ARSB: variants seen among roughly 807,000 people sequenced by gnomAD.
The protein encoded by ARSB is N-acetylgalactosamine-4-sulfatase.
Under a neutral mutation model 50.9 loss-of-function variants are expected in ARSB, and 41 were observed. The observed-to-expected ratio is 0.81, with a 90% confidence interval of 0.63 to 1.04. ARSB has a LOEUF of 1.04. Among genes scored for constraint, ARSB ranks in the 50% least tolerant of loss-of-function variants. The probability of loss-of-function intolerance (pLI) is 0.00; values close to 1 mark genes in which losing one functional copy is unlikely to be tolerated. For missense variants in ARSB, 672 were observed against 693.3 expected (o/e 0.97, Z 0.35); for synonymous variants, 269 against 284.8 (o/e 0.94, Z 0.56).
intron 4 of ARSB, among the ~76,000 whole-genome samples, chr5:78,904,974 GC>G (rs1748982248): frequency 6.6e-6 from 1 of 152,124 alleles, no homozygotes; most frequent in Non-Finnish European, 1.5e-5. Context: ...ACAGGCACGA[GC>G]CACCACGACC....
chr5:78,877,826 C>T (rs1311271816), intron 5 of ARSB, among the ~76,000 whole-genome samples: 1 of 152,116 alleles, frequency 6.6e-6, no homozygotes, highest in Non-Finnish European at 1.5e-5. Context: ...TCACAACCAA[C>T]TGAGAAGTGA....
At chr5:78,873,386 C>T (rs755285776) in intron 5 of ARSB, among the ~76,000 whole-genome samples, 15 of 149,348 alleles carry the variant, frequency 1.0e-4, no homozygotes, top group Non-Finnish European at 1.8e-4. Flanking sequence ...AAAGAGGATA[C>T]GAGAGAAATT....
At chr5:78,912,909 GA>G (rs1202973499) in intron 4 of ARSB, among the ~76,000 whole-genome samples, 2 of 152,116 alleles carry the variant, frequency 1.3e-5, no homozygotes, top group East Asian at 3.9e-4. Context: ...GCATTAGAAA[GA>G]AAGAATCAAT....
chr5:78,967,448 G>A (rs1213309852), intron 2 of ARSB, among the ~76,000 whole-genome samples: 2 of 152,162 alleles, frequency 1.3e-5, no homozygotes. Context: ...GCCAAGATGG[G>A]TGGGTCACGA....
intron 4 of ARSB, among the ~76,000 whole-genome samples, chr5:78,901,743 C>A (rs189471475): frequency 2.6e-5 from 4 of 152,138 alleles, no homozygotes; most frequent in Admixed American, 2.6e-4. Context: ...AGAAGATACA[C>A]AAAAATAGAT....
chr5:78,809,781 C>T (rs995405644), intron 6 of ARSB, among the ~76,000 whole-genome samples: 2 of 152,260 alleles, frequency 1.3e-5, no homozygotes, highest in Admixed American at 6.5e-5. Flanking sequence ...CCAGCCTTGC[C>T]CTCTCCACTG....
intron 6 of ARSB, among the ~76,000 whole-genome samples, chr5:78,801,613 C>T (rs1043290523): frequency 6.6e-5 from 10 of 152,158 alleles, no homozygotes; most frequent in African/African-American, 2.2e-4. Context: ...ACAGTGTCTG[C>T]GTCATCTGCC....
rs114195006 is a variant in ARSB at position 78,929,556 on chromosome 5, C to T, written c.898+25739G>A. The stretch of plus-strand genomic sequence containing the variant: ...CTGTAATCCTAGCACTTTGGGAGGC[C>T]GAGACAGGTGGTTCTCCTGAGGACA... On this transcript the variant is annotated intron_variant, in intron 4 of 7. Transcript: ENST00000264914. 7.9e-3 allele frequency among the ~76,000 whole-genome samples: 1,196 copies of T among 152,036 alleles called. 12 individuals are homozygous for T. The highest frequency in any genetic ancestry group is 0.028 in the African/African-American group (1,156 of 41,476).
chr5:78,842,575 C>T (rs1293178983), intron 5 of ARSB, among the ~76,000 whole-genome samples: 1 of 152,172 alleles, frequency 6.6e-6, no homozygotes, highest in African/African-American at 2.4e-5. Flanking sequence ...TATTAATAAA[C>T]TTTCTCTTTA....
intron 5 of ARSB, among the ~76,000 whole-genome samples, chr5:78,867,396 C>A (rs997734932): frequency 1.3e-5 from 2 of 152,122 alleles, no homozygotes; most frequent in Non-Finnish European, 2.9e-5. Flanking sequence ...CAGCAGTAAC[C>A]TCTGCAGACT....
chr5:78,935,050 C>G (rs1750519970), intron 4 of ARSB, among the ~76,000 whole-genome samples: 1 of 151,490 alleles, frequency 6.6e-6, no homozygotes, highest in Admixed American at 6.6e-5. Context: ...ATACATTTTT[C>G]AAAAAAAGGA....
chr5:78,885,942 A>C (rs1395760531), intron 4 of ARSB, 115 bp from the exon 5 acceptor site: 2 of 1,544,856 alleles, frequency 1.3e-6, no homozygotes, highest in East Asian at 4.5e-5. Context: ...AAAAAAAGAA[A>C]ATTCCTTGCC....
At chr5:78,867,188 T>C (rs1226907270) in intron 5 of ARSB, among the ~76,000 whole-genome samples, 1 of 152,050 alleles carries the variant, frequency 6.6e-6, no homozygotes, top group Non-Finnish European at 1.5e-5. Flanking sequence ...ATCTCGCTGA[T>C]TGCTAGCACA....
intron 5 of ARSB, among the ~76,000 whole-genome samples, chr5:78,875,692 G>C (rs1581079985): frequency 2.0e-5 from 3 of 150,416 alleles, no homozygotes; most frequent in Admixed American, 1.3e-4. Flanking sequence ...TTTTGAGACA[G>C]AGTCTCGCTC....
At chr5:78,857,841 AC>A (rs1465945095) in intron 5 of ARSB, among the ~76,000 whole-genome samples, 3 of 152,254 alleles carry the variant, frequency 2.0e-5, no homozygotes, top group African/African-American at 7.2e-5. Context: ...CATGCCTATA[AC>A]AACCAAACTA....
intron 6 of ARSB, among the ~76,000 whole-genome samples, chr5:78,792,932 A>G (rs910849705): frequency 3.3e-5 from 5 of 152,078 alleles, no homozygotes. Context: ...ATGTGGTAAC[A>G]TTTTCCCCAC....
chr5:78,848,880 G>A (rs924061630), intron 5 of ARSB, among the ~76,000 whole-genome samples: 13 of 151,210 alleles, frequency 8.6e-5, no homozygotes, highest in African/African-American at 2.9e-4. Flanking sequence ...TTTGAGAAGC[G>A]TCTGTTCATA....
At position 78,885,697 on chromosome 5, in the gene ARSB, C is replaced by G; in HGVS notation, c.1029G>C (p.Lys343Asn). 1 of 1,614,114 alleles carries G rather than the reference C, an allele frequency of 6.2e-7. No individual in the cohort carries two copies. The highest frequency in any genetic ancestry group is 8.5e-7 in the Non-Finnish European group (1 of 1,180,026). ...ASPLLKQKGV[K>N]NRELIHISDW... ...CAGAGATGTGGATGAGCTCCCGGTT[C>G]TTCACGCCCTTCTGCTTCAGCAAGG... Residue 343 changes from lysine (K) to asparagine (N), a missense_variant, in exon 5 of 8, where the codon AAG becomes AAC. By Grantham distance (94) the Lys-to-Asn change is moderately conservative (BLOSUM62 0). Coordinates refer to ENST00000264914, the MANE Select transcript of ARSB (RefSeq NM_000046.5).
chr5:78,947,146 T>G (rs1751273413), intron 4 of ARSB, among the ~76,000 whole-genome samples: 1 of 152,168 alleles, frequency 6.6e-6, no homozygotes, highest in African/African-American at 2.4e-5. Context: ...GATTAAAGAC[T>G]TAAGTCTAAG....
Sources: allele counts gnomAD v4.1 joint callset (sites outside exome capture counted in the v4.1 genomes callset), GRCh38; gene constraint gnomAD v4.1.1; transcripts MANE v1.5; gene names NCBI Gene and HGNC (gene_info 2026-07-23, HGNC 2026-07-21).